A1CF: variants seen among roughly 807,000 people sequenced by gnomAD.
A1CF encodes APOBEC-1 stimulating protein.
A neutral mutation model predicts 68.9 loss-of-function variants in A1CF; 48 were observed. The observed-to-expected ratio is 0.70, with a 90% CI of 0.55 to 0.89. The LOEUF (loss-of-function observed/expected upper bound fraction) is 0.89, where lower values mean the gene tolerates loss of function less well. A1CF is among the 40% of genes least tolerant of loss of function. The probability of loss-of-function intolerance (pLI) is 0.00; values close to 1 mark genes in which losing one functional copy is unlikely to be tolerated. For synonymous variants in A1CF, 272 were observed against 260.4 expected, an observed-to-expected ratio of 1.04 and a Z score of -0.43; for missense variants, 653 against 718.9, an observed-to-expected ratio of 0.91 and a Z score of 1.05.
At chr10:50,818,280 G>A (rs771802071) in intron 8 of A1CF, among the ~76,000 whole-genome samples, 68 of 151,934 alleles carry the variant, frequency 4.5e-4, no homozygotes, top group Admixed American at 3.9e-3. Context: ...GATAATTATC[G>A]TAGAAAAAAT....
chr10:50,809,991 C>A lies in A1CF; in HGVS notation c.1512G>T (p.Thr504=), dbSNP rs556711615. The stretch of plus-strand genomic sequence containing the variant: ...TCTGCAGGGTGTATTCGGCTGCATA[C>A]GTCTTTGCTTCATCCACAAAGGCAC... ...KLSAFVDEAK[T]YAAEYTLQTL... Residue 504 remains threonine (T), a synonymous_variant, in exon 12 of 13, where the codon ACG becomes ACT. Transcript: ENST00000373997. The A allele has an allele frequency of 6.8e-6, 11 of 1,613,890 alleles. No individual in the cohort carries two copies. Among genetic ancestry groups the A allele is most frequent in the Middle Eastern group, 1.6e-4 (1 of 6,082 alleles).
chr10:50,830,806 G>T (rs34899345), intron 6 of A1CF, among the ~76,000 whole-genome samples: 18,419 of 152,014 alleles, frequency 0.12, 1,412 homozygotes, highest in Non-Finnish European at 0.17. Context: ...CCTAGCCAAA[G>T]AAATCTGAAC....
intron 5 of A1CF, among the ~76,000 whole-genome samples, chr10:50,836,543 TTTTTA>T: frequency 6.6e-6 from 1 of 152,260 alleles, no homozygotes; most frequent in East Asian, 1.9e-4. Flanking sequence ...CTGCTTTCTT[TTTTTA>T]TTTTATTTTA....
chr10:50,823,602 C>G (rs2132370722), intron 7 of A1CF: 1 of 152,258 alleles, frequency 6.6e-6, no homozygotes, highest in Non-Finnish European at 1.5e-5. Context: ...AATGCTTGAA[C>G]CCACCCATGA....
chr10:50,846,060 C>T (rs896886595), intron 3 of A1CF, among the ~76,000 whole-genome samples: 3 of 151,854 alleles, frequency 2.0e-5, no homozygotes, highest in African/African-American at 7.3e-5. Flanking sequence ...CATTTTATTA[C>T]ATAAAATATT....
chr10:50,810,893 A>T, intron 11 of A1CF, 147 bp downstream of exon 11: 1 of 967,470 alleles, frequency 1.0e-6, no homozygotes, highest in Non-Finnish European at 1.4e-6. Flanking sequence ...TGGCTGGCAC[A>T]TCCCAACTAC....
chr10:50,852,266 A>G (rs2132495779), intron 3 of A1CF, among the ~76,000 whole-genome samples: 1 of 152,292 alleles, frequency 6.6e-6, no homozygotes, highest in East Asian at 1.9e-4. Context: ...ATTCGAGGAG[A>G]AATTCATTGC....
At position 50,820,749 on chromosome 10, in the gene A1CF, A is replaced by G. The variant is rs1838612601; in HGVS notation, c.770-100T>C. 1.1e-5 allele frequency: 9 copies of G among 842,746 alleles called. No individual in the cohort carries two copies. The East Asian group carries it at 2.2e-4, about 20-fold the overall frequency. The allele number at this position is 842,746 out of a possible 1,614,324, so 52.2% of individuals were successfully genotyped here. ...CTGCAAAGAGTATTTGATTTTTTTT[A>G]TGGATACCTCATATTTAAGTAAGGA... On this transcript the variant is annotated intron_variant, in intron 7 of 12. Transcript: ENST00000373997.
intron 3 of A1CF, 107 bp downstream of exon 3, chr10:50,859,734 TA>T: frequency 1.1e-6 from 1 of 902,352 alleles, no homozygotes; most frequent in Non-Finnish European, 1.7e-6. Flanking sequence ...GACATTTCTC[TA>T]AAGAGCTATG....
rs1337442575 is a variant in A1CF, at chr10:50,871,927, T to C, written c.-93-7847A>G. Among the ~76,000 whole-genome samples, 5 of 152,160 alleles carry C rather than the reference T, an allele frequency of 3.3e-5. No individual in the cohort carries two copies. In the South Asian group the frequency reaches 1.0e-3, roughly 32 times the overall value. On this transcript the variant is annotated intron_variant, in intron 1 of 12. Transcript: ENST00000373997. ...AGACTAGCAGATTTGACTACAAAAA[T>C]ATTACAAACTTCTGTAATGGCAAAA...
chr10:50,879,598 C>T (rs1182811465), intron 1 of A1CF, among the ~76,000 whole-genome samples: 2 of 152,102 alleles, frequency 1.3e-5, no homozygotes, highest in African/African-American at 4.8e-5. Context: ...TATGTGACAG[C>T]AGGGGAGAGA....
chr10:50,806,649 G>T lies in A1CF; in HGVS notation c.*80C>A. 2 of 1,323,344 alleles carry T rather than the reference G, an allele frequency of 1.5e-6. No homozygotes were observed. The highest frequency in any genetic ancestry group is 1.7e-5 in the South Asian group (1 of 57,758). The allele number at this position is 1,323,344 out of a possible 1,614,324, so 82.0% of individuals were successfully genotyped here. A position where few individuals can be genotyped will look rare whatever the true frequency, so the allele number is the denominator to read the frequency against. ...GGAAACATATTATTTATGATCATTG[G>T]GGACCGAGTTAGAGGTTTATTTCTT... is the stretch of plus-strand genomic sequence containing the variant. On this transcript the variant is annotated 3_prime_UTR_variant, in exon 13 of 13. Coordinates refer to ENST00000373997, the MANE Select transcript of A1CF (RefSeq NM_014576.4).
chr10:50,827,337 T>C (rs1442021933), intron 7 of A1CF, among the ~76,000 whole-genome samples: 9 of 152,230 alleles, frequency 5.9e-5, no homozygotes, highest in South Asian at 2.1e-4. Context: ...TACATTCTTC[T>C]CAGCTCCACA....
Position 50,836,292 on chromosome 10 carries a change from AC to A in A1CF, c.385del (p.Val129PhefsTer28), listed in dbSNP as rs765668420. The A allele has an allele frequency of 1.2e-6, 2 of 1,613,560 alleles. No individual in the cohort carries two copies. Among genetic ancestry groups the A allele is most frequent in the South Asian group, 2.2e-5 (2 of 91,022 alleles). ...YEIRNGRLLG[V>X]CASVDNCRLF... ...TCGGCAGTTGTCCACACTGGCACAA[AC>A]CCCTAAGAGGCGCCCATTTCTGCAA... On this transcript the variant is annotated frameshift_variant, in exon 6 of 13. Transcript: ENST00000373997. LOFTEE classifies it high-confidence loss of function.
chr10:50,861,999 C>T (rs1272026243), intron 2 of A1CF, among the ~76,000 whole-genome samples: 1 of 151,022 alleles, frequency 6.6e-6, no homozygotes, highest in Non-Finnish European at 1.5e-5. Flanking sequence ...TTAGTAATAG[C>T]AATGGGTATT....
chr10:50,836,452 G>A, intron 5 of A1CF, 140 bp from the exon 6 acceptor site: 2 of 868,902 alleles, frequency 2.3e-6, no homozygotes, highest in Non-Finnish European at 1.7e-6. Context: ...GAGAGTTGTG[G>A]CTTCTTTTGC....
chr10:50,854,214 T>TA (rs1259912826), intron 3 of A1CF, among the ~76,000 whole-genome samples: 1 of 151,984 alleles, frequency 6.6e-6, no homozygotes, highest in African/African-American at 2.4e-5. Flanking sequence ...AAGAAAAACT[T>TA]AGAGATTATA....
intron 1 of A1CF, among the ~76,000 whole-genome samples, chr10:50,881,804 T>C (rs4245012): frequency 0.95 from 145,049 of 152,274 alleles, 69,462 homozygotes; most frequent in East Asian, 1. Flanking sequence ...CACTTAACTG[T>C]GCAAATCAGA....
chr10:50,851,550 C>T (rs538931443), intron 3 of A1CF, among the ~76,000 whole-genome samples: 19 of 152,144 alleles, frequency 1.2e-4, no homozygotes, highest in Middle Eastern at 6.8e-3. Context: ...CATAAATGGT[C>T]GGTGATTATA....
Sources: allele counts gnomAD v4.1 joint callset (sites outside exome capture counted in the v4.1 genomes callset), GRCh38; gene constraint gnomAD v4.1.1; transcripts MANE v1.5; gene names NCBI Gene and HGNC (gene_info 2026-07-23, HGNC 2026-07-21).